PRTN3: variants seen among roughly 807,000 people sequenced by gnomAD.
PRTN3 encodes the protein myeloblastin.
Under a neutral mutation model 20.7 loss-of-function variants are expected in PRTN3, and 22 were observed. The ratio of observed to expected loss-of-function variants is 1.06; its 90% CI spans 0.76 to 1.52. PRTN3 has a LOEUF of 1.52. Ranked by LOEUF, PRTN3 falls within the 40% of genes most tolerant of loss-of-function variation. PRTN3 has a pLI of 0.00. For missense variants in PRTN3, 378 were observed against 359.6 expected, an observed-to-expected ratio of 1.05 and a Z score of -0.41; for synonymous variants, 173 against 152.9, an observed-to-expected ratio of 1.13 and a Z score of -0.97.
intron 3 of PRTN3, among the ~76,000 whole-genome samples, chr19:844,862 G>C (rs768454421): frequency 1.3e-5 from 2 of 152,100 alleles, no homozygotes; most frequent in Non-Finnish European, 2.9e-5. Flanking sequence ...AGTACTTTGG[G>C]AGGCTGGGAT....
At chr19:845,230 G>C (rs546349712) in intron 3 of PRTN3, among the ~76,000 whole-genome samples, 13 of 152,042 alleles carry the variant, frequency 8.6e-5, no homozygotes, top group African/African-American at 1.7e-4. Context: ...TTATAGGAGA[G>C]AGCCACCGCG....
intron 4 of PRTN3, 121 bp from the exon 5 acceptor site, chr19:847,678 G>T: frequency 8.0e-7 from 1 of 1,254,982 alleles, no homozygotes; most frequent in South Asian, 1.6e-5. Context: ...CAGCCCGGGT[G>T]ACTGGCTGTC....
In PRTN3 at chr19:846,314, C is replaced by A. The variant is rs1354033159; in HGVS notation, c.537C>A (p.Thr179=). 1 of 1,593,240 alleles carries A rather than the reference C, an allele frequency of 6.3e-7. No individual in the cohort carries two copies. The highest frequency in any genetic ancestry group is 8.5e-7 in the Non-Finnish European group (1 of 1,170,488). The change falls in exon 4 of 5, where the codon ACC becomes ACA. Residue 179 remains threonine, a synonymous_variant. Transcript: ENST00000234347. The stretch of plus-strand genomic sequence containing the variant: ...AGGAGCTCAATGTCACCGTGGTCAC[C>A]TTCTTCTGCCGGCCACATAACATTT... ...VLQELNVTVV[T]FFCRPHNICT... is the part of the protein sequence containing the mutation.
chr19:841,447 A>T (rs190094487), intron 1 of PRTN3, among the ~76,000 whole-genome samples: 94 of 152,260 alleles, frequency 6.2e-4, no homozygotes, highest in Admixed American at 1.2e-3. Context: ...TGAATGAGTG[A>T]ACAAATGAAT....
In PRTN3 at chr19:843,927, C is replaced by A. The variant is rs868268185; in HGVS notation, c.262C>A (p.His88Asn). 1 of 1,598,500 alleles carries A rather than the reference C, an allele frequency of 6.3e-7. No individual in the cohort carries two copies. The highest frequency in any genetic ancestry group is 1.3e-5 in the African/African-American group (1 of 74,712). ...CCTGGTGAACGTGGTGCTCGGAGCC[C>A]ACAACGTGCGGACGCAGGAGCCCAC... The part of the protein sequence containing the change: ...QRLVNVVLGA[H>N]NVRTQEPTQQ... The change falls in exon 3 of 5, where the codon CAC becomes AAC. Residue 88 changes from histidine to asparagine, a missense_variant. Physicochemically the swap from His to Asn is moderately conservative, Grantham distance 68 (BLOSUM62 1). Transcript: ENST00000234347.
At chr19:847,328 T>C (rs2145133551) in intron 4 of PRTN3, among the ~76,000 whole-genome samples, 1 of 151,366 alleles carries the variant, frequency 6.6e-6, no homozygotes, top group Middle Eastern at 3.4e-3. Context: ...AGCCAGCTAC[T>C]CGGGAGGCCG....
At position 841,053 on chromosome 19, in the gene PRTN3, G is replaced by C; in HGVS notation, c.45G>C (p.Leu15=). The C allele has an allele frequency of 6.2e-7, 1 of 1,607,136 alleles. No homozygotes were observed. Among genetic ancestry groups the C allele is most frequent in the Non-Finnish European group, 8.5e-7 (1 of 1,179,898 alleles). Residue 15 remains leucine (L), a synonymous_variant, in exon 1 of 5, where the codon CTG becomes CTC. Coordinates refer to ENST00000234347, the MANE Select transcript of PRTN3 (RefSeq NM_002777.4). ...PPSPALASVL[L]ALLLSGAARA... The stretch of plus-strand genomic sequence containing the variant: ...GCCCTGCCCTGGCGTCCGTGCTGCT[G>C]GCCTTGCTGCTGAGCGGTGAGTGAG...
intron 1 of PRTN3, among the ~76,000 whole-genome samples, chr19:841,517 T>G (rs1440026943): frequency 2.1e-5 from 3 of 143,384 alleles, no homozygotes; most frequent in African/African-American, 8.0e-5. Flanking sequence ...AGTGAACGAA[T>G]GAATGAGTGA....
chr19:847,044 G>A (rs998764269), intron 4 of PRTN3, among the ~76,000 whole-genome samples: 7 of 152,134 alleles, frequency 4.6e-5, no homozygotes, highest in African/African-American at 9.7e-5. Flanking sequence ...GGTGGCTCAC[G>A]CCTGTAATCT....
At position 847,902 on chromosome 19, in the gene PRTN3, G is replaced by C. The variant is rs755941987; in HGVS notation, c.704G>C (p.Arg235Pro). 18 of 1,608,236 alleles carry C rather than the reference G, an allele frequency of 1.1e-5. No individual in the cohort carries two copies. In the Admixed American group the frequency reaches 2.9e-4, roughly 26 times the overall value. ...CGCCTTTTCCCTGACTTCTTCACGCGGGTAGCCCTCTACGTGGACTGGATC... is the reference window on the plus strand; with the variant it reads ...CGCCTTTTCCCTGACTTCTTCACGCCGGTAGCCCTCTACGTGGACTGGATC... ...ATRLFPDFFT[R>P]VALYVDWIRS... The change falls in exon 5 of 5, where the codon CGG becomes CCG. Residue 235 changes from arginine (R) to proline (P), a missense_variant. Physicochemically the swap from Arg to Pro is moderately radical, Grantham distance 103. Transcript: ENST00000234347.
At position 844,027 on chromosome 19, in the gene PRTN3, T is replaced by G; in HGVS notation, c.362T>G (p.Leu121Arg). Reference sequence around the variant, plus strand: ...GAGAACAAACTGAACGACGTTCTCCTCATCCAGGTGGGCGGGCAGGGCCGC... The same window carrying G: ...GAGAACAAACTGAACGACGTTCTCCGCATCCAGGTGGGCGGGCAGGGCCGC... ...DAENKLNDVL[L>R]IQLSSPANLS... Residue 121 changes from leucine to arginine, a missense_variant, in exon 3 of 5, where the codon CTC (leucine) becomes CGC (arginine). Coordinates refer to ENST00000234347, the MANE Select transcript of PRTN3 (RefSeq NM_002777.4). The G allele has an allele frequency of 6.2e-7, 1 of 1,603,226 alleles. No individual in the cohort carries two copies. Among genetic ancestry groups the G allele is most frequent in the Admixed American group, 1.7e-5 (1 of 58,642 alleles).
rs554003820 is a variant in PRTN3, at chr19:847,240, G to A, written c.601-559G>A. 2.2e-3 allele frequency among the ~76,000 whole-genome samples: 330 copies of A among 152,160 alleles called. 3 individuals carry two copies. Among genetic ancestry groups the A allele is most frequent in the African/African-American group, 7.7e-3 (318 of 41,530 alleles). Reference sequence around the variant, plus strand: ...AGGATCACTTGAGCCTGGGGAGTTCGAGGTTGCAGTGAGCTATGATTGTGC... The same window carrying A: ...AGGATCACTTGAGCCTGGGGAGTTCAAGGTTGCAGTGAGCTATGATTGTGC... On this transcript the variant is annotated intron_variant, in intron 4 of 4. Transcript: ENST00000234347.
intron 1 of PRTN3, 140 bp downstream of exon 1, chr19:841,209 C>T (rs1396770348): frequency 2.4e-5 from 28 of 1,160,130 alleles, no homozygotes; most frequent in Non-Finnish European, 3.3e-5. Context: ...CCACTCACTG[C>T]TCGGGACCAA....
chr19:843,602 C>CAT lies in PRTN3; in HGVS notation c.203_204insAT (p.Ala69TrpfsTer14). The CAT allele has an allele frequency of 6.3e-7, 1 of 1,596,424 alleles. No individual in the cohort carries two copies. Among genetic ancestry groups the CAT allele is most frequent in the Admixed American group, 1.7e-5 (1 of 58,900 alleles). On this transcript the variant is annotated frameshift_variant, in exon 2 of 5. Coordinates refer to ENST00000234347, the MANE Select transcript of PRTN3 (RefSeq NM_002777.4). LOFTEE classifies it high-confidence loss of function. ...TTGATCCACCCCAGCTTCGTGCTGA[C>CAT]GGCCGCGCACTGCCTGCGGGACATG...
chr19:844,366 T>TGCCCGC (rs2035489821), intron 3 of PRTN3, among the ~76,000 whole-genome samples: 1 of 70,356 alleles, frequency 1.4e-5, no homozygotes, highest in African/African-American at 6.9e-5. Context: ...GCCTCTCCCC[T>TGCCCGC]GCATGCCTCT....
chr19:841,783 A>G (rs779086706), intron 1 of PRTN3, among the ~76,000 whole-genome samples: 25 of 133,342 alleles, frequency 1.9e-4, no homozygotes, highest in Non-Finnish European at 2.7e-4. Context: ...GCTGGAGTGC[A>G]GTGGCGCGAT....
intron 4 of PRTN3, among the ~76,000 whole-genome samples, chr19:846,958 C>A (rs943527898): frequency 6.6e-6 from 1 of 152,148 alleles, no homozygotes; most frequent in African/African-American, 2.4e-5. Context: ...GTTGACCAGG[C>A]TGGTCTTGAA....
In PRTN3 at chr19:846,346, T is replaced by G; in HGVS notation, c.569T>G (p.Phe190Cys). 2 of 1,572,494 alleles carry G rather than the reference T, an allele frequency of 1.3e-6. No homozygotes were observed. Among genetic ancestry groups the G allele is most frequent in the South Asian group, 1.2e-5 (1 of 85,396 alleles). ...TGCCGGCCACATAACATTTGCACTT[T>G]CGTCCCTCGCCGCAAGGCCGGCATC... is the stretch of plus-strand genomic sequence containing the variant. ...FFCRPHNICTFVPRRKAGICF... is the reference protein window; with the variant it reads ...FFCRPHNICTCVPRRKAGICF... The change falls in exon 4 of 5, where the codon TTC (phenylalanine) becomes TGC (cysteine). Residue 190 changes from phenylalanine (F) to cysteine (C), a missense_variant. Transcript: ENST00000234347.
chr19:843,862 G>A (rs2035478448), intron 2 of PRTN3, 31 bp from the exon 3 acceptor site: 4 of 1,560,612 alleles, frequency 2.6e-6, no homozygotes, highest in South Asian at 1.2e-5. Context: ...AGTGTCCAGG[G>A]CGCCGAGGAG....
Sources: allele counts gnomAD v4.1 joint callset (sites outside exome capture counted in the v4.1 genomes callset), GRCh38; gene constraint gnomAD v4.1.1; transcripts MANE v1.5; gene names NCBI Gene and HGNC (gene_info 2026-07-23, HGNC 2026-07-21).